The following SGMS1 variants were observed in gnomAD, a reference collection of about 807,000 sequenced individuals.
SGMS1 encodes phosphatidylcholine:ceramide cholinephosphotransferase 1.
SGMS1 carries 13 observed loss-of-function variants against 46.2 expected under a neutral mutation model. The observed-to-expected ratio is 0.28, with a 90% CI of 0.18 to 0.45. SGMS1 has a LOEUF of 0.45. Ranked by LOEUF, SGMS1 falls within the 20% of genes least tolerant of loss-of-function variation. The pLI, the probability that SGMS1 is intolerant of heterozygous loss-of-function variation, is 1.00. For synonymous variants in SGMS1, 203 were observed against 187.8 expected (o/e 1.08, Z -0.66); for missense variants, 324 against 519.9 (o/e 0.62, Z 3.66).
chr10:50,594,968 T>A (rs1838577061), intron 1 of SGMS1, among the ~76,000 whole-genome samples: 1 of 152,282 alleles, frequency 6.6e-6, no homozygotes, highest in South Asian at 2.1e-4. Flanking sequence ...GGAATTCAGT[T>A]ATGCAGTCAC....
At chr10:50,551,431 T>C (rs1000401902) in intron 2 of SGMS1, among the ~76,000 whole-genome samples, 2 of 149,436 alleles carry the variant, frequency 1.3e-5, no homozygotes, top group African/African-American at 5.0e-5. Context: ...AAAAGAGACA[T>C]GGCAACTAGA....
In SGMS1 at chr10:50,468,621, CA is replaced by C. The variant is rs1384661615; in HGVS notation, c.-497-1690del. Among the ~76,000 whole-genome samples the C allele has an allele frequency of 2.0e-5, 3 of 152,258 alleles. No homozygotes were observed. In the East Asian group the frequency reaches 5.8e-4, roughly 29 times the overall value. ...TGTCCCTCAGAGATAGCCACAGATG[CA>C]AAGGGCAAATTACCACCAGATAATT... On this transcript the variant is annotated intron_variant, in intron 3 of 10. Transcript: ENST00000361781.
intron 5 of SGMS1, among the ~76,000 whole-genome samples, chr10:50,440,399 T>C (rs984868736): frequency 6.6e-6 from 1 of 152,112 alleles, no homozygotes; most frequent in African/African-American, 2.4e-5. Flanking sequence ...TAAGGGCTTA[T>C]TTTTCCCCGC....
rs1039382846 is a variant in SGMS1, at chr10:50,550,360, T to A, written c.-588-30439A>T. Reference sequence around the variant, plus strand: ...AAGCACCCATTTCCAAATTTCCCAATGAAGCAACTGCAAGTTCTAATCCCT... The same window carrying A: ...AAGCACCCATTTCCAAATTTCCCAAAGAAGCAACTGCAAGTTCTAATCCCT... On this transcript the variant is annotated intron_variant, in intron 2 of 10. Transcript: ENST00000361781. Among the ~76,000 whole-genome samples the A allele has an allele frequency of 7.2e-5, 11 of 152,188 alleles. 1 individual carries two copies. The highest frequency in any genetic ancestry group is 7.2e-4 in the Admixed American group (11 of 15,272).
At chr10:50,434,751 G>A (rs1363856206) in intron 5 of SGMS1, among the ~76,000 whole-genome samples, 1 of 151,488 alleles carries the variant, frequency 6.6e-6, no homozygotes, top group Non-Finnish European at 1.5e-5. Context: ...CAGGCGTGGT[G>A]GCGGGTGCCT....
intron 2 of SGMS1, among the ~76,000 whole-genome samples, chr10:50,588,013 A>AT (rs1193907727): frequency 6.6e-6 from 1 of 152,150 alleles, no homozygotes; most frequent in African/African-American, 2.4e-5. Flanking sequence ...ACAGGACCCC[A>AT]TATGTCTTCC....
intron 7 of SGMS1, among the ~76,000 whole-genome samples, chr10:50,341,641 T>G (rs1847822598): frequency 1.3e-5 from 2 of 152,126 alleles, no homozygotes; most frequent in East Asian, 3.9e-4. Flanking sequence ...GCTCCTGAGA[T>G]GTAAGGATCC....
chr10:50,362,702 A>C (rs188570647), intron 6 of SGMS1, among the ~76,000 whole-genome samples: 1 of 152,354 alleles, frequency 6.6e-6, no homozygotes, highest in Admixed American at 6.5e-5. Context: ...CAGGTGTGAC[A>C]AACAGGAAGT....
intron 3 of SGMS1, among the ~76,000 whole-genome samples, chr10:50,500,824 T>C (rs1193936890): frequency 1.3e-5 from 2 of 152,218 alleles, no homozygotes; most frequent in Admixed American, 1.3e-4. Context: ...GATAATGGCA[T>C]TAGTTTAGGT....
At chr10:50,385,459 A>G (rs917413825) in intron 6 of SGMS1, among the ~76,000 whole-genome samples, 17 of 152,234 alleles carry the variant, frequency 1.1e-4, no homozygotes, top group Admixed American at 1.1e-3. Flanking sequence ...AGTGTACCAC[A>G]AAAACAAAGC....
At chr10:50,325,732 T>C (rs748333702) in intron 8 of SGMS1, among the ~76,000 whole-genome samples, 1 of 152,216 alleles carries the variant, frequency 6.6e-6, no homozygotes, top group Non-Finnish European at 1.5e-5. Flanking sequence ...CCCTCAATAC[T>C]GGATCCATCT....
At chr10:50,459,949 T>C (rs1020049656) in intron 5 of SGMS1, 1 of 151,952 alleles carries the variant, frequency 6.6e-6, no homozygotes, top group Non-Finnish European at 1.5e-5. Context: ...GGTACATTTG[T>C]AGTGTTCTTC....
At chr10:50,620,318 C>T (rs1838837488) in intron 1 of SGMS1, among the ~76,000 whole-genome samples, 2 of 152,132 alleles carry the variant, frequency 1.3e-5, no homozygotes, top group Admixed American at 1.3e-4. Flanking sequence ...TATTCCTGAC[C>T]AAAAGCCTTT....
intron 6 of SGMS1, among the ~76,000 whole-genome samples, chr10:50,378,790 C>G (rs767645318): frequency 1.3e-5 from 2 of 152,142 alleles, no homozygotes; most frequent in East Asian, 3.8e-4. Flanking sequence ...TTAGTACCTA[C>G]CTGATGTTTA....
At chr10:50,485,829 G>A (rs770453119) in intron 3 of SGMS1, among the ~76,000 whole-genome samples, 2 of 152,120 alleles carry the variant, frequency 1.3e-5, no homozygotes, top group Admixed American at 6.5e-5. Flanking sequence ...GAGCCCAGGA[G>A]GCAAAGGTTG....
chr10:50,593,710 T>A (rs1055044298), intron 1 of SGMS1, among the ~76,000 whole-genome samples: 2 of 152,228 alleles, frequency 1.3e-5, no homozygotes, highest in African/African-American at 4.8e-5. Context: ...AATGAAACAA[T>A]ACGGTATGTG....
chr10:50,592,867 A>C (rs2131895380), intron 1 of SGMS1, among the ~76,000 whole-genome samples: 1 of 133,292 alleles, frequency 7.5e-6, no homozygotes, highest in East Asian at 2.1e-4. Context: ...TTTACTGTGA[A>C]ATATACTATA....
intron 1 of SGMS1, among the ~76,000 whole-genome samples, chr10:50,621,877 C>G (rs1838853354): frequency 6.6e-6 from 1 of 152,212 alleles, no homozygotes; most frequent in South Asian, 2.1e-4. Context: ...AGCAGCCACC[C>G]CACTGCTACC....
At chr10:50,328,082 C>A in intron 7 of SGMS1, 1 of 388,196 alleles carries the variant, frequency 2.6e-6, no homozygotes. Context: ...TTATTAGGTT[C>A]TAACAAAATT....
Sources: gnomAD v4.1 joint callset for allele counts (sites outside exome capture counted in the v4.1 genomes callset) on GRCh38, gnomAD v4.1.1 for gene constraint, MANE v1.5 for transcripts, NCBI Gene and HGNC (gene_info 2026-07-23, HGNC 2026-07-21) for gene names.